Variants in RUNX1 observed in about 807,000 individuals in gnomAD.
The protein encoded by RUNX1 is RUNX family transcription factor 1.
In RUNX1, 19 loss-of-function variants were observed where a neutral mutation model predicts 42.8. The observed-to-expected ratio is 0.44, with a 90% CI of 0.31 to 0.65. The LOEUF (loss-of-function observed/expected upper bound fraction) is 0.65, where lower values mean the gene tolerates loss of function less well. Among genes scored for constraint, RUNX1 ranks in the 30% least tolerant of loss-of-function variants. RUNX1 has a pLI of 0.07. For synonymous variants in RUNX1, 271 were observed against 289.4 expected, an observed-to-expected ratio of 0.94 and a Z score of 0.64; for missense variants, 528 against 672.0, an observed-to-expected ratio of 0.79 and a Z score of 2.37.
At chr21:34,863,035 C>T (rs150208606) in intron 5 of RUNX1, among the ~76,000 whole-genome samples, 2 of 151,596 alleles carry the variant, frequency 1.3e-5, no homozygotes, top group African/African-American at 4.8e-5. Flanking sequence ...AAACACCTTC[C>T]CATATACTAT....
At chr21:34,835,658 A>G (rs2057135550) in intron 6 of RUNX1, among the ~76,000 whole-genome samples, 2 of 152,112 alleles carry the variant, frequency 1.3e-5, no homozygotes, top group Admixed American at 6.5e-5. Context: ...TTTCTCTTTT[A>G]AAGACAATGG....
chr21:34,988,325 T>G (rs1321609193), intron 2 of RUNX1, among the ~76,000 whole-genome samples: 1 of 152,164 alleles, frequency 6.6e-6, no homozygotes, highest in African/African-American at 2.4e-5. Context: ...TGCTGCACTT[T>G]CGAGGACACC....
intron 2 of RUNX1, among the ~76,000 whole-genome samples, chr21:34,942,102 A>T (rs2058531635): frequency 6.6e-6 from 1 of 152,210 alleles, no homozygotes; most frequent in Non-Finnish European, 1.5e-5. Flanking sequence ...AGATTCAAAT[A>T]CCAGAGATTT....
chr21:35,012,349 A>G (rs917398464), intron 2 of RUNX1, among the ~76,000 whole-genome samples: 2 of 152,224 alleles, frequency 1.3e-5, no homozygotes, highest in Admixed American at 1.3e-4. Context: ...GAATATTAAT[A>G]AATTACAGTG....
At chr21:35,002,219 ACATTAG>A in intron 2 of RUNX1, among the ~76,000 whole-genome samples, 1 of 151,758 alleles carries the variant, frequency 6.6e-6, no homozygotes, top group East Asian at 1.9e-4. Flanking sequence ...CCTGAGTCAG[ACATTAG>A]CATGGCTCCC....
intron 6 of RUNX1, among the ~76,000 whole-genome samples, chr21:34,842,736 T>C (rs1005218053): frequency 6.6e-6 from 1 of 151,816 alleles, no homozygotes; most frequent in African/African-American, 2.4e-5. Context: ...CAGACATGCA[T>C]GGACAAACAT....
intron 2 of RUNX1, among the ~76,000 whole-genome samples, chr21:34,903,926 C>T (rs528196907): frequency 1.7e-4 from 26 of 152,106 alleles, no homozygotes; most frequent in Non-Finnish European, 2.1e-4. Context: ...TCTCTAATTA[C>T]GTAATTATAT....
intron 8 of RUNX1, chr21:34,798,191 GA>G (rs1398232557): frequency 6.6e-6 from 3 of 453,560 alleles, no homozygotes; most frequent in Non-Finnish European, 1.3e-5. Flanking sequence ...CCCAAGAGCT[GA>G]AAAGCAAGAC....
At chr21:34,888,841 G>C (rs1569086585) in intron 3 of RUNX1, among the ~76,000 whole-genome samples, 1 of 151,620 alleles carries the variant, frequency 6.6e-6, no homozygotes, top group South Asian at 2.1e-4. Context: ...CCGGCTCCTG[G>C]AATTGGCCCG....
chr21:34,820,415 C>T (rs1367381449), intron 7 of RUNX1, among the ~76,000 whole-genome samples: 3 of 151,944 alleles, frequency 2.0e-5, no homozygotes, highest in Non-Finnish European at 2.9e-5. Context: ...TTTGGGAGGC[C>T]GAGGCGGGCG....
At chr21:35,022,584 T>C (rs939135109) in intron 2 of RUNX1, among the ~76,000 whole-genome samples, 4 of 152,206 alleles carry the variant, frequency 2.6e-5, no homozygotes, top group Admixed American at 2.0e-4. Context: ...TATAGATCTT[T>C]GTAAACTGCA....
intron 3 of RUNX1, chr21:34,888,121 T>TAG: frequency 9.4e-7 from 1 of 1,066,342 alleles, no homozygotes; most frequent in Non-Finnish European, 1.1e-6. Context: ...AGGCAGCCAC[T>TAG]GTCTACATCA....
intron 2 of RUNX1, among the ~76,000 whole-genome samples, chr21:35,009,375 T>G (rs2059108777): frequency 6.6e-6 from 1 of 152,310 alleles, no homozygotes; most frequent in African/African-American, 2.4e-5. Flanking sequence ...GAACCAACAC[T>G]TCTGCACAAA....
At chr21:34,971,248 G>A (rs745742452) in intron 2 of RUNX1, among the ~76,000 whole-genome samples, 5 of 152,174 alleles carry the variant, frequency 3.3e-5, no homozygotes, top group Non-Finnish European at 5.9e-5. Context: ...AGGACACACA[G>A]TAGCTGCCAA....
At chr21:34,839,190 G>A (rs2057192981) in intron 6 of RUNX1, among the ~76,000 whole-genome samples, 1 of 151,974 alleles carries the variant, frequency 6.6e-6, no homozygotes, top group Non-Finnish European at 1.5e-5. Context: ...AATCTCACAC[G>A]GCCAGTTACA....
intron 2 of RUNX1, among the ~76,000 whole-genome samples, chr21:34,983,451 C>A (rs938411441): frequency 6.6e-6 from 1 of 152,138 alleles, no homozygotes; most frequent in Non-Finnish European, 1.5e-5. Context: ...AAGTTGTTAT[C>A]AACATTTTGA....
rs1334435969 is a variant in RUNX1, at chr21:34,859,702, T to C, written c.509-124A>G. ...CACAAGTTACCAGTTTTGACAACAC[T>C]CCCGGAATTTTGGCTTTGCTTCAAT... On this transcript the variant is annotated intron_variant, in intron 5 of 8. Transcript: ENST00000675419. 13 of 853,844 alleles carry C rather than the reference T, an allele frequency of 1.5e-5. No individual in the cohort carries two copies. The East Asian group carries it at 3.2e-4, about 21-fold the overall frequency. 52.9% of individuals were successfully genotyped at this position (853,844 alleles called of 1,614,324 possible). A position where few individuals can be genotyped will look rare whatever the true frequency, so the allele number is the denominator to read the frequency against.
intron 2 of RUNX1, among the ~76,000 whole-genome samples, chr21:34,970,318 A>C (rs1214562446): frequency 3.3e-5 from 5 of 152,162 alleles, no homozygotes; most frequent in Non-Finnish European, 7.4e-5. Flanking sequence ...ACCACAGATG[A>C]CTCCAACACC....
intron 2 of RUNX1, among the ~76,000 whole-genome samples, chr21:35,007,738 G>A (rs1017863513): frequency 9.2e-5 from 14 of 151,910 alleles, no homozygotes; most frequent in South Asian, 2.1e-4. Flanking sequence ...CACCACCCTC[G>A]TTCAGGCCCT....
Sources: allele counts gnomAD v4.1 joint callset (sites outside exome capture counted in the v4.1 genomes callset), GRCh38; gene constraint gnomAD v4.1.1; transcripts MANE v1.5; gene names NCBI Gene and HGNC (gene_info 2026-07-23, HGNC 2026-07-21).